TRPM8: variants seen among roughly 807,000 people sequenced by gnomAD.
TRPM8 encodes the protein TRPM8 cationic channel.
TRPM8 carries 110 observed loss-of-function variants against 133.7 expected under a neutral mutation model. The observed-to-expected ratio is 0.82, with a 90% CI of 0.70 to 0.96. The LOEUF is 0.96. TRPM8 is among the 40% of genes least tolerant of loss of function. The pLI, the probability that TRPM8 is intolerant of heterozygous loss-of-function variation, is 0.00. For synonymous variants in TRPM8, 535 were observed against 532.3 expected (o/e 1.01, Z -0.07); for missense variants, 1,291 against 1,379.5 (o/e 0.94, Z 1.02).
Position 233,980,272 on chromosome 2 carries a change from G to A in TRPM8, c.2440G>A (p.Val814Ile), listed in dbSNP as rs769614714. The change falls in exon 18 of 26, where the codon GTA (valine) becomes ATA (isoleucine). Residue 814 changes from valine (V) to isoleucine (I), a missense_variant. Val to Ile is a conservative substitution (Grantham distance 29, BLOSUM62 3). Coordinates refer to ENST00000324695, the MANE Select transcript of TRPM8 (RefSeq NM_024080.5). ...LGLFYFIAGI[V>I]FRLHSSNKSS... Reference sequence around the variant, plus strand: ...GCTTTTTTACTTCATAGCAGGAATTGTATTTCGGTAAGTAGTCTCATCACT... The same window carrying A: ...GCTTTTTTACTTCATAGCAGGAATTATATTTCGGTAAGTAGTCTCATCACT... 1.2e-5 allele frequency: 19 copies of A among 1,592,050 alleles called. No individual in the cohort carries two copies. The highest frequency in any genetic ancestry group is 1.2e-5 in the Non-Finnish European group (14 of 1,172,308).
At chr2:233,963,439 T>C in intron 13 of TRPM8, 62 bp downstream of exon 13, 1 of 1,049,118 alleles carries the variant, frequency 9.5e-7, no homozygotes, top group Non-Finnish European at 1.4e-6. Context: ...ACAGTTCTGA[T>C]CCTCTCAAAA....
intron 3 of TRPM8, among the ~76,000 whole-genome samples, chr2:233,937,072 T>C (rs1690767019): frequency 6.6e-6 from 1 of 151,916 alleles, no homozygotes; most frequent in Non-Finnish European, 1.5e-5. Flanking sequence ...GAGTTTTGTA[T>C]TTTAGCAGAG....
chr2:233,965,079 C>A, intron 14 of TRPM8, among the ~76,000 whole-genome samples: 1 of 150,970 alleles, frequency 6.6e-6, no homozygotes, highest in Non-Finnish European at 1.5e-5. Context: ...TTCTGGATGC[C>A]GTTACAACAT....
rs1691514934 is a variant in TRPM8, at chr2:233,964,572, AAAAAAGAAAAGG to A, written c.1750-50_1750-39del. The A allele has an allele frequency of 5.2e-6, 7 of 1,358,504 alleles. No homozygotes were observed. In the Admixed American group the frequency reaches 1.7e-4, roughly 33 times the overall value. 84.2% of individuals were successfully genotyped at this position (1,358,504 alleles called of 1,614,324 possible). A position where few individuals can be genotyped will look rare whatever the true frequency, so the allele number is the denominator to read the frequency against. On this transcript the variant is annotated intron_variant, in intron 13 of 25. Coordinates refer to ENST00000324695, the MANE Select transcript of TRPM8 (RefSeq NM_024080.5). ...GTCTCAAAAAAAAAAAAAAAAAAAA[AAAAAAGAAAAGG>A]AAAAAAAAGAATTAACCTTAAAATT...
intron 2 of TRPM8, among the ~76,000 whole-genome samples, chr2:233,928,515 T>A (rs746388761): frequency 6.6e-6 from 1 of 152,206 alleles, no homozygotes; most frequent in African/African-American, 2.4e-5. Flanking sequence ...ATCACCCTTC[T>A]TCCTTGATCA....
intron 22 of TRPM8, among the ~76,000 whole-genome samples, chr2:234,001,761 A>C (rs1421044169): frequency 6.6e-6 from 1 of 152,270 alleles, no homozygotes; most frequent in Non-Finnish European, 1.5e-5. Flanking sequence ...AGCCATGAAC[A>C]AAGGCACATG....
chr2:233,971,944 T>C (rs1383017248), intron 17 of TRPM8, among the ~76,000 whole-genome samples: 1 of 152,162 alleles, frequency 6.6e-6, no homozygotes, highest in Admixed American at 6.5e-5. Context: ...TGGTCTGTTT[T>C]GACAGGGCGC....
chr2:233,976,147 C>T (rs557872874), intron 17 of TRPM8, among the ~76,000 whole-genome samples: 1 of 152,280 alleles, frequency 6.6e-6, no homozygotes, highest in African/African-American at 2.4e-5. Context: ...GATCTCTTCC[C>T]CTATGGAGCA....
chr2:233,955,037 T>G (rs1691257550), intron 10 of TRPM8, 95 bp from the exon 11 acceptor site: 1 of 833,824 alleles, frequency 1.2e-6, no homozygotes, highest in Non-Finnish European at 2.0e-6. Context: ...CAGCATTACC[T>G]GTGATAAACA....
In TRPM8 at chr2:233,918,216, A is replaced by G. The variant is rs542764700; in HGVS notation, c.-6+784A>G. Among the ~76,000 whole-genome samples the G allele has an allele frequency of 9.2e-5, 14 of 152,088 alleles. No homozygotes were observed. In the East Asian group the frequency reaches 2.7e-3, roughly 29 times the overall value. On this transcript the variant is annotated intron_variant, in intron 1 of 25. Transcript: ENST00000324695. ...TAGCTTGTCAAAATCTTGACAGTGC[A>G]AAGGACTTACTTCCAAGGTTGTGAC...
At chr2:234,007,746 T>A (rs1175369908) in intron 23 of TRPM8, among the ~76,000 whole-genome samples, 2 of 152,204 alleles carry the variant, frequency 1.3e-5, no homozygotes, top group African/African-American at 2.4e-5. Context: ...ACAGAGATGA[T>A]GTCATAAGCT....
intron 1 of TRPM8, among the ~76,000 whole-genome samples, chr2:233,922,088 AGGGT>A (rs1288334790): frequency 1.4e-5 from 2 of 139,000 alleles, no homozygotes; most frequent in African/African-American, 6.4e-5. Flanking sequence ...TACAGTCGCA[AGGGT>A]CTCTGTCTCC....
chr2:233,995,759 A>C (rs1692386577), intron 21 of TRPM8, among the ~76,000 whole-genome samples: 1 of 152,100 alleles, frequency 6.6e-6, no homozygotes, highest in Non-Finnish European at 1.5e-5. Flanking sequence ...CAGCTGTTAC[A>C]TATGGTGCTG....
chr2:233,932,348 G>A (rs962854376), intron 3 of TRPM8, among the ~76,000 whole-genome samples: 1 of 152,212 alleles, frequency 6.6e-6, no homozygotes, highest in African/African-American at 2.4e-5. Flanking sequence ...AGAGGGCCTT[G>A]CTCCTAGCAA....
intron 1 of TRPM8, among the ~76,000 whole-genome samples, chr2:233,921,616 A>G (rs1276084558): frequency 1.3e-5 from 2 of 151,912 alleles, no homozygotes; most frequent in Non-Finnish European, 2.9e-5. Context: ...TGCCGAACAG[A>G]AACACATTTT....
chr2:233,977,017 C>G (rs1483182196), intron 17 of TRPM8, among the ~76,000 whole-genome samples: 2 of 152,158 alleles, frequency 1.3e-5, no homozygotes, highest in African/African-American at 4.8e-5. Flanking sequence ...AGAACCCAAG[C>G]AGGGTGTGAC....
At chr2:233,942,864 T>G in intron 6 of TRPM8, 116 bp downstream of exon 6, 1 of 1,300,510 alleles carries the variant, frequency 7.7e-7, no homozygotes, top group Non-Finnish European at 1.1e-6. Context: ...TGGGGAAGTC[T>G]GCCTTTCAAG....
At chr2:233,959,627 C>A (rs1005760199) in intron 11 of TRPM8, among the ~76,000 whole-genome samples, 4 of 151,862 alleles carry the variant, frequency 2.6e-5, no homozygotes, top group Non-Finnish European at 5.9e-5. Flanking sequence ...ACTGTTAACT[C>A]GAGATTTTAA....
intron 21 of TRPM8, among the ~76,000 whole-genome samples, chr2:233,991,772 A>T (rs987423775): frequency 6.6e-6 from 1 of 152,178 alleles, no homozygotes; most frequent in African/African-American, 2.4e-5. Flanking sequence ...GCGTTCTAAC[A>T]TCTGTTGTAC....
Sources: allele counts gnomAD v4.1 joint callset (sites outside exome capture counted in the v4.1 genomes callset), GRCh38; gene constraint gnomAD v4.1.1; transcripts MANE v1.5; gene names NCBI Gene and HGNC (gene_info 2026-07-23, HGNC 2026-07-21).